TNKS: variants seen among roughly 807,000 people sequenced by gnomAD.
TNKS encodes the protein tankyrase.
A neutral mutation model predicts 135.8 loss-of-function variants in TNKS; 72 were observed. The observed-to-expected ratio is 0.53, with a 90% CI of 0.44 to 0.64. The LOEUF is 0.64. Among genes scored for constraint, TNKS ranks in the 30% least tolerant of loss-of-function variants. TNKS has a pLI of 0.00. For synonymous variants in TNKS, 849 were observed against 649.3 expected (o/e 1.31, Z -4.68); for missense variants, 1,769 against 1,674.0 (o/e 1.06, Z -0.99).
chr8:9,678,980 A>C (rs1389406653), intron 3 of TNKS, among the ~76,000 whole-genome samples: 2 of 152,192 alleles, frequency 1.3e-5, no homozygotes, highest in African/African-American at 4.8e-5. Flanking sequence ...TTACTGAAGG[A>C]ACAAACACTG....
At chr8:9,605,934 T>A (rs1799200219) in intron 2 of TNKS, among the ~76,000 whole-genome samples, 1 of 152,016 alleles carries the variant, frequency 6.6e-6, no homozygotes, top group Non-Finnish European at 1.5e-5. Context: ...AGAACAGAAG[T>A]TCTTAATTTT....
At chr8:9,740,055 TAAAAAAAAAA>T (rs58285747) in intron 17 of TNKS, among the ~76,000 whole-genome samples, 40 of 87,446 alleles carry the variant, frequency 4.6e-4, no homozygotes, top group South Asian at 3.9e-3. Context: ...TAGAGTATAA[TAAAAAAAAAA>T]AAAAAAAAAA....
At chr8:9,708,079 C>A (rs1159145239) in intron 8 of TNKS, among the ~76,000 whole-genome samples, 1 of 152,068 alleles carries the variant, frequency 6.6e-6, no homozygotes, top group Non-Finnish European at 1.5e-5. Flanking sequence ...AACTGGTTTC[C>A]TTTTGGTGGA....
chr8:9,584,133 C>T (rs1340423173), intron 2 of TNKS, among the ~76,000 whole-genome samples: 3 of 143,764 alleles, frequency 2.1e-5, no homozygotes, highest in East Asian at 2.1e-4. Context: ...CACTGCACTC[C>T]AGTCTGGGTG....
intron 3 of TNKS, among the ~76,000 whole-genome samples, chr8:9,673,791 C>T (rs1447474750): frequency 2.0e-5 from 3 of 152,066 alleles, no homozygotes; most frequent in East Asian, 3.8e-4. Context: ...GGTTCATTTC[C>T]GTTTTCCTAA....
intron 5 of TNKS, among the ~76,000 whole-genome samples, chr8:9,693,769 A>G (rs1031989030): frequency 5.3e-5 from 8 of 152,220 alleles, no homozygotes; most frequent in African/African-American, 1.9e-4. Context: ...ACATTGAACA[A>G]TCTTACTACT....
rs1450440941 is a variant in TNKS, at chr8:9,556,323, A to C, written c.384A>C (p.Ser128=). The C allele has an allele frequency of 6.2e-7, 1 of 1,614,090 alleles. No homozygotes were observed. The highest frequency in any genetic ancestry group is 1.1e-5 in the South Asian group (1 of 91,082). The change falls in exon 1 of 27, where the codon TCA becomes TCC. Residue 128 remains serine, a synonymous_variant. Coordinates refer to ENST00000310430, the MANE Select transcript of TNKS (RefSeq NM_003747.3). ...PNPAGSGSNN[S]PSSSSSPTSS... ...CAGCCGGCAGTGGCAGTAACAATTC[A>C]CCGTCGTCCTCTTCTTCCCCGACTT...
chr8:9,701,216 C>T (rs1431415895), intron 5 of TNKS, among the ~76,000 whole-genome samples: 5 of 152,158 alleles, frequency 3.3e-5, no homozygotes, highest in Non-Finnish European at 7.3e-5. Context: ...GGATTACAGG[C>T]GTGAGCCACC....
chr8:9,635,124 C>A (rs925953064), intron 3 of TNKS, among the ~76,000 whole-genome samples: 1 of 151,640 alleles, frequency 6.6e-6, no homozygotes, highest in Admixed American at 6.6e-5. Flanking sequence ...GAGCCGAGAC[C>A]GCGCCACTGC....
At chr8:9,699,019 G>A (rs950716280) in intron 5 of TNKS, among the ~76,000 whole-genome samples, 1 of 152,100 alleles carries the variant, frequency 6.6e-6, no homozygotes, top group Admixed American at 6.5e-5. Flanking sequence ...TTACATGTTT[G>A]TCTTTTAAAA....
intron 5 of TNKS, among the ~76,000 whole-genome samples, chr8:9,688,837 C>G (rs766059920): frequency 1.3e-5 from 2 of 152,120 alleles, no homozygotes; most frequent in Non-Finnish European, 2.9e-5. Context: ...GATGGCGTTT[C>G]ACTATGTTGG....
At chr8:9,748,882 G>A (rs997157459) in intron 18 of TNKS, among the ~76,000 whole-genome samples, 5 of 152,156 alleles carry the variant, frequency 3.3e-5, no homozygotes, top group Non-Finnish European at 7.4e-5. Flanking sequence ...GCATATAGCT[G>A]GTGGCTGGGG....
chr8:9,581,437 C>G (rs953380402), intron 2 of TNKS, among the ~76,000 whole-genome samples: 1 of 152,168 alleles, frequency 6.6e-6, no homozygotes, highest in Non-Finnish European at 1.5e-5. Flanking sequence ...CCATTTCCTC[C>G]TAAGTCTCTC....
At chr8:9,627,928 C>T (rs1307722549) in intron 3 of TNKS, among the ~76,000 whole-genome samples, 1 of 152,144 alleles carries the variant, frequency 6.6e-6, no homozygotes, top group East Asian at 1.9e-4. Context: ...TTATTGCTAT[C>T]ACCAATTCTA....
At position 9,780,499 on chromosome 8, in the gene TNKS, G is replaced by C. The variant is rs1808412662; in HGVS notation, c.*3763G>C. 6.6e-6 allele frequency: 1 copy of C among 152,188 alleles called. No individual in the cohort carries two copies. Among genetic ancestry groups the C allele is most frequent in the South Asian group, 2.1e-4 (1 of 4,826 alleles). The allele number at this position is 152,188 out of a possible 1,614,324, so 9.4% of individuals were successfully genotyped here. A position where few individuals can be genotyped will look rare whatever the true frequency, so the allele number is the denominator to read the frequency against. ...GATCAGTGACAGAAGTGAAAAGAAA[G>C]TAATTGTGAAAGTGATGTTTGAGCT... On this transcript the variant is annotated 3_prime_UTR_variant, in exon 27 of 27. Transcript: ENST00000310430.
At chr8:9,621,319 T>G (rs566347831) in intron 3 of TNKS, among the ~76,000 whole-genome samples, 63 of 151,830 alleles carry the variant, frequency 4.1e-4, no homozygotes, top group African/African-American at 1.4e-3. Flanking sequence ...TTTTTTTTTT[T>G]TTGAGACGGA....
At chr8:9,560,360 T>G (rs1797274942) in intron 1 of TNKS, among the ~76,000 whole-genome samples, 1 of 151,994 alleles carries the variant, frequency 6.6e-6, no homozygotes, top group Non-Finnish European at 1.5e-5. Context: ...GTGAGGTATT[T>G]TAAAATAAAA....
intron 2 of TNKS, among the ~76,000 whole-genome samples, chr8:9,608,646 G>T (rs1193732560): frequency 6.6e-6 from 1 of 152,076 alleles, no homozygotes; most frequent in Non-Finnish European, 1.5e-5. Context: ...AGACATCTGG[G>T]GCCTGCTCTC....
At chr8:9,682,361 TC>T (rs1434047265) in intron 5 of TNKS, among the ~76,000 whole-genome samples, 1 of 152,134 alleles carries the variant, frequency 6.6e-6, no homozygotes, top group Admixed American at 6.6e-5. Context: ...ACAGCCACAT[TC>T]CTAGTGCAAT....
Sources: gnomAD v4.1 joint callset for allele counts (sites outside exome capture counted in the v4.1 genomes callset) on GRCh38, gnomAD v4.1.1 for gene constraint, MANE v1.5 for transcripts, NCBI Gene and HGNC (gene_info 2026-07-23, HGNC 2026-07-21) for gene names.